The following PTPRN2 variants were observed in gnomAD, a reference collection of about 807,000 sequenced individuals.
PTPRN2 encodes the protein protein tyrosine phosphatase receptor type N2, also known as receptor-type tyrosine-protein phosphatase N2.
Under a neutral mutation model 118.8 loss-of-function variants are expected in PTPRN2, and 74 were observed. That is an observed-to-expected ratio of 0.62 (90% CI 0.52 to 0.76). PTPRN2 has a LOEUF of 0.76. Ranked by LOEUF, PTPRN2 falls within the 30% of genes least tolerant of loss-of-function variation. The pLI is 0.00. For missense variants in PTPRN2, 1,481 were observed against 1,394.4 expected (o/e 1.06, Z -0.99); for synonymous variants, 641 against 608.0 (o/e 1.05, Z -0.80).
chr7:157,762,904 G>A (rs539970471), intron 12 of PTPRN2, among the ~76,000 whole-genome samples: 1 of 152,144 alleles, frequency 6.6e-6, no homozygotes, highest in East Asian at 1.9e-4. Flanking sequence ...ATCCAGCCCC[G>A]CCCCTGAAAA....
chr7:158,481,714 G>A (rs952867047), intron 2 of PTPRN2, among the ~76,000 whole-genome samples: 17 of 152,088 alleles, frequency 1.1e-4, no homozygotes, highest in African/African-American at 3.1e-4. Flanking sequence ...CACCTGCGTC[G>A]GCCTCCCAAA....
At chr7:157,788,366 C>T (rs1381015673) in intron 12 of PTPRN2, among the ~76,000 whole-genome samples, 1 of 106,482 alleles carries the variant, frequency 9.4e-6, no homozygotes, top group East Asian at 2.2e-4. Flanking sequence ...CAGAATGAGA[C>T]TCCATCTCAA....
Position 158,151,077 on chromosome 7 carries a change from GCCCCTGCCTGC to G in PTPRN2, c.911-12573_911-12563del, listed in dbSNP as rs1821005551. Among the ~76,000 whole-genome samples, 2 of 102,992 alleles carry G rather than the reference GCCCCTGCCTGC, an allele frequency of 1.9e-5. 1 individual carries two copies. The highest frequency in any genetic ancestry group is 4.2e-5 in the Non-Finnish European group (2 of 47,890). 67.6% of individuals were successfully genotyped at this position (102,992 alleles called of 152,430 possible). On this transcript the variant is annotated intron_variant, in intron 6 of 22. Coordinates refer to ENST00000389418, the MANE Select transcript of PTPRN2 (RefSeq NM_002847.5). ...CCACACTGCCCGCCTTTCCACTCTT[GCCCCTGCCTGC>G]CCAAACCGCCCGCCTTTCTGCTCCT...
intron 6 of PTPRN2, among the ~76,000 whole-genome samples, chr7:158,149,120 A>G (rs13228645): frequency 0.16 from 454 of 2,752 alleles, 1 homozygote; most frequent in South Asian, 0.24. Flanking sequence ...TTCCCCCTCA[A>G]TGACACCCCA....
intron 17 of PTPRN2, among the ~76,000 whole-genome samples, chr7:157,581,336 C>G (rs1027537684): frequency 3.3e-5 from 5 of 152,268 alleles, no homozygotes; most frequent in Non-Finnish European, 5.9e-5. Flanking sequence ...TGCAGCGTCC[C>G]CAGGCCTCAG....
intron 2 of PTPRN2, among the ~76,000 whole-genome samples, chr7:158,448,081 T>C (rs951221300): frequency 3.3e-5 from 5 of 152,042 alleles, no homozygotes; most frequent in Non-Finnish European, 2.9e-5. Context: ...CGTGCCCCAC[T>C]CCAGCCACTC....
intron 11 of PTPRN2, among the ~76,000 whole-genome samples, chr7:158,072,009 G>T (rs1273699058): frequency 9.5e-6 from 1 of 105,404 alleles, no homozygotes; most frequent in Admixed American, 1.0e-4. Flanking sequence ...GGAGGTGCTC[G>T]TCGTATGGAG....
At chr7:158,539,169 T>G (rs139815646) in intron 1 of PTPRN2, among the ~76,000 whole-genome samples, 53 of 152,298 alleles carry the variant, frequency 3.5e-4, no homozygotes, top group African/African-American at 1.2e-3. Context: ...GTCTTCAATT[T>G]CATCTAAAAA....
intron 2 of PTPRN2, among the ~76,000 whole-genome samples, chr7:158,320,750 T>C (rs1802948267): frequency 6.6e-6 from 1 of 152,236 alleles, no homozygotes; most frequent in Non-Finnish European, 1.5e-5. Context: ...TCCTTTATTC[T>C]AGTAAATACT....
chr7:158,209,753 C>T (rs1216598920), intron 3 of PTPRN2, among the ~76,000 whole-genome samples: 1 of 152,160 alleles, frequency 6.6e-6, no homozygotes, highest in African/African-American at 2.4e-5. Flanking sequence ...CATTCTTCTC[C>T]TCAACACATG....
At chr7:158,114,612 G>T (rs149412045) in intron 9 of PTPRN2, among the ~76,000 whole-genome samples, 4 of 152,166 alleles carry the variant, frequency 2.6e-5, no homozygotes, top group Non-Finnish European at 5.9e-5. Context: ...AGGAGCCAGC[G>T]GCCCCCGGCA....
intron 3 of PTPRN2, among the ~76,000 whole-genome samples, chr7:158,251,525 C>T (rs1308702832): frequency 7.1e-6 from 1 of 141,328 alleles, no homozygotes; most frequent in Admixed American, 7.2e-5. Flanking sequence ...GTATATGGTG[C>T]ATGTGGGGGG....
chr7:157,842,410 CTTTTT>C lies in PTPRN2; in HGVS notation c.1788+56258_1788+56262del, dbSNP rs11316558. Among the ~76,000 whole-genome samples the C allele has an allele frequency of 9.9e-4, 92 of 93,286 alleles. 2 individuals carry two copies. The South Asian group carries it at 0.011, about 11-fold the overall frequency. 61.2% of individuals were successfully genotyped at this position (93,286 alleles called of 152,430 possible). On this transcript the variant is annotated intron_variant, in intron 12 of 22. Coordinates refer to ENST00000389418, the MANE Select transcript of PTPRN2 (RefSeq NM_002847.5). ...CCGCTTTGTGTGCAGATTCAGGAGA[CTTTTT>C]TTTTTTTTTTTTTTTTTGAGACGGT...
chr7:157,554,582 C>A (rs1798788701), intron 21 of PTPRN2, among the ~76,000 whole-genome samples: 1 of 152,224 alleles, frequency 6.6e-6, no homozygotes. Flanking sequence ...AAATAGAATT[C>A]TCTCTTGAAA....
At chr7:158,422,322 T>C (rs1036618347) in intron 2 of PTPRN2, among the ~76,000 whole-genome samples, 18 of 152,166 alleles carry the variant, frequency 1.2e-4, no homozygotes, top group African/African-American at 2.9e-4. Context: ...GCCAGCTTGG[T>C]TGGGGAGAGC....
At chr7:158,266,336 T>G (rs60655862) in intron 3 of PTPRN2, among the ~76,000 whole-genome samples, 52 of 40,294 alleles carry the variant, frequency 1.3e-3, no homozygotes, top group Middle Eastern at 0.017. Flanking sequence ...GGGTATTGTC[T>G]GGCAGTGAGG....
chr7:157,601,494 G>C (rs1187481926), intron 16 of PTPRN2, among the ~76,000 whole-genome samples: 1 of 152,038 alleles, frequency 6.6e-6, no homozygotes, highest in African/African-American at 2.4e-5. Flanking sequence ...GACACAAAAT[G>C]TACCATAAAA....
At chr7:158,310,334 G>C (rs539199625) in intron 3 of PTPRN2, among the ~76,000 whole-genome samples, 10 of 152,324 alleles carry the variant, frequency 6.6e-5, no homozygotes, top group Admixed American at 5.9e-4. Flanking sequence ...AGAACAGCTC[G>C]GCCATCATGA....
intron 2 of PTPRN2, among the ~76,000 whole-genome samples, chr7:158,423,929 T>A (rs936923471): frequency 5.9e-5 from 9 of 152,224 alleles, no homozygotes; most frequent in African/African-American, 1.9e-4. Context: ...GTAGTTTGCA[T>A]GTATCATTTC....
Sources: gnomAD v4.1 joint callset for allele counts (sites outside exome capture counted in the v4.1 genomes callset) on GRCh38, gnomAD v4.1.1 for gene constraint, MANE v1.5 for transcripts, NCBI Gene and HGNC (gene_info 2026-07-23, HGNC 2026-07-21) for gene names.